Variants in CELF2 observed in about 807,000 individuals in gnomAD.
The protein encoded by CELF2 is CUG triplet repeat RNA-binding protein 2.
In CELF2, 8 loss-of-function variants were observed where a neutral mutation model predicts 62.6. That is an observed-to-expected ratio of 0.13 (90% CI 0.07 to 0.23). The LOEUF is 0.23. Ranked by LOEUF, CELF2 falls within the 10% of genes least tolerant of loss-of-function variation. The probability of loss-of-function intolerance (pLI) is 1.00; values close to 1 mark genes in which losing one functional copy is unlikely to be tolerated. For synonymous variants in CELF2, 258 were observed against 250.0 expected (o/e 1.03, Z -0.30); for missense variants, 333 against 671.0 (o/e 0.50, Z 5.56).
chr10:10,944,372 C>G (rs2047406650), intron 2 of CELF2: 2 of 152,574 alleles, frequency 1.3e-5, no homozygotes, highest in South Asian at 4.2e-4. Context: ...TGAACTAGTC[C>G]ACAGTCATCA....
chr10:11,037,902 G>T (rs1391207228), intron 1 of CELF2, among the ~76,000 whole-genome samples: 2 of 152,128 alleles, frequency 1.3e-5, no homozygotes, highest in African/African-American at 4.8e-5. Flanking sequence ...TTGGGTTATA[G>T]GTTGAATTAA....
rs1361351394 is a variant in CELF2, at chr10:11,302,065, C to T, written c.977-12074C>T. On this transcript the variant is annotated intron_variant, in intron 9 of 12. Transcript: ENST00000633077. This position sits in a 1 kb window ranked among gnomAD's most constrained non-coding sequence, Gnocchi z 5.0. ...TTCTAGGGAAACGGACAAGCAAATC[C>T]CTGCTCTTCAACCGGCTGTCTTCTG... Among the ~76,000 whole-genome samples, 1 of 152,232 alleles carries T rather than the reference C, an allele frequency of 6.6e-6. No individual in the cohort carries two copies. The highest frequency in any genetic ancestry group is 2.4e-5 in the African/African-American group (1 of 41,458).
chr10:10,766,693 T>A, the CELF2 span, among the ~76,000 whole-genome samples: 1 of 152,184 alleles, frequency 6.6e-6, no homozygotes, highest in Non-Finnish European at 1.5e-5. Flanking sequence ...GGCCACTCTG[T>A]TCATGAGCCT....
Position 10,934,837 on chromosome 10 carries a change from G to A in CELF2, c.89+14838G>A, listed in dbSNP as rs2066460801. 6.6e-6 allele frequency: 1 copy of A among 152,198 alleles called. No homozygotes were observed. The allele number at this position is 152,198 out of a possible 1,614,324, so 9.4% of individuals were successfully genotyped here. A position where few individuals can be genotyped will look rare whatever the true frequency, so the allele number is the denominator to read the frequency against. ...GAAGTCATTTGGCACACCCAAATGG[G>A]TTTTGCAGTTGTCTTATCCTGGTGA... On this transcript the variant is annotated intron_variant, in intron 2 of 13. Coordinates refer to the CELF2 transcript ENST00000636488. This position sits in a 1 kb window ranked among gnomAD's most constrained non-coding sequence, Gnocchi z 4.4.
At chr10:10,520,669 A>G in the CELF2 span, among the ~76,000 whole-genome samples, 1 of 152,160 alleles carries the variant, frequency 6.6e-6, no homozygotes, top group Non-Finnish European at 1.5e-5. Context: ...ATGAGATGCA[A>G]CCAGCGAGAG....
At chr10:11,213,395 A>G (rs1366179943) in intron 2 of CELF2, among the ~76,000 whole-genome samples, 4 of 152,192 alleles carry the variant, frequency 2.6e-5, no homozygotes, top group Non-Finnish European at 5.9e-5. Context: ...GCGTGGGGAA[A>G]TCTAGGAGAC....
intron 1 of CELF2, among the ~76,000 whole-genome samples, chr10:11,139,967 T>C (rs1006451436): frequency 6.6e-6 from 1 of 152,162 alleles, no homozygotes; most frequent in African/African-American, 2.4e-5. Flanking sequence ...CCATCTTCAA[T>C]TTCTCACTTG....
At chr10:11,287,809 T>C (rs1164373091) in intron 8 of CELF2, among the ~76,000 whole-genome samples, 2 of 152,274 alleles carry the variant, frequency 1.3e-5, no homozygotes, top group African/African-American at 4.8e-5. Flanking sequence ...CATCATCTTA[T>C]TTAATCTGCA....
the CELF2 span, among the ~76,000 whole-genome samples, chr10:10,652,641 G>A: frequency 1.3e-5 from 2 of 151,632 alleles, no homozygotes; most frequent in Admixed American, 6.6e-5. Context: ...AAGCGAAGGA[G>A]AAATAAAATA....
intron 1 of CELF2, among the ~76,000 whole-genome samples, chr10:11,122,373 G>C (rs1278993594): frequency 6.6e-6 from 1 of 152,114 alleles, no homozygotes; most frequent in African/African-American, 2.4e-5. Context: ...AGTAACCAAG[G>C]ACATCTGCTT....
chr10:10,683,911 C>T, the CELF2 span, among the ~76,000 whole-genome samples: 1 of 152,136 alleles, frequency 6.6e-6, no homozygotes, highest in Non-Finnish European at 1.5e-5. Flanking sequence ...TCCCCAGGAC[C>T]TCTGGATTTT....
At chr10:10,875,205 A>G (rs1044619651) in intron 1 of CELF2, among the ~76,000 whole-genome samples, 19 of 152,208 alleles carry the variant, frequency 1.2e-4, no homozygotes, top group Admixed American at 9.2e-4. Flanking sequence ...TGAAAATTTC[A>G]ATTCCCAGCA....
the CELF2 span, among the ~76,000 whole-genome samples, chr10:10,679,678 A>G: frequency 6.6e-6 from 1 of 152,224 alleles, no homozygotes; most frequent in East Asian, 1.9e-4. Context: ...TCATATATCC[A>G]TCTAGTTTCC....
chr10:10,491,794 T>C, the CELF2 span, among the ~76,000 whole-genome samples: 13 of 151,434 alleles, frequency 8.6e-5, no homozygotes, highest in African/African-American at 3.1e-4. Flanking sequence ...TAGTTGTCTA[T>C]GTCTTTCTTG....
At chr10:10,948,076 A>G (rs2047897690) in intron 2 of CELF2, among the ~76,000 whole-genome samples, 1 of 152,228 alleles carries the variant, frequency 6.6e-6, no homozygotes, top group Non-Finnish European at 1.5e-5. Context: ...GTATTTTGCC[A>G]GAAACCTGGG....
intron 2 of CELF2, among the ~76,000 whole-genome samples, chr10:11,202,935 CTCTCTCTCTCTCTCTCTGTGTG>C (rs2059577786): frequency 1.1e-5 from 1 of 87,742 alleles, no homozygotes; most frequent in Non-Finnish European, 2.5e-5. Context: ...CTCTCTCTCT[CTCTCTCTCTCTCTCTCTGTGTG>C]TGTGTGTGTG....
At position 10,989,621 on chromosome 10, in the gene CELF2, A is replaced by G. The variant is rs528882095; in HGVS notation, c.89+69622A>G. Among the ~76,000 whole-genome samples the G allele has an allele frequency of 3.9e-5, 6 of 152,274 alleles. No individual in the cohort carries two copies. In the South Asian group the frequency reaches 1.2e-3, roughly 32 times the overall value. ...AAAGGTAAAAATCTACTCTCAGGGT[A>G]GGTGAGACTTTTTATGTTAAATAAA... is the stretch of plus-strand genomic sequence containing the variant. On this transcript the variant is annotated intron_variant, in intron 2 of 13. Transcript: ENST00000636488.
intron 2 of CELF2, among the ~76,000 whole-genome samples, chr10:11,198,342 T>G (rs185801986): frequency 1.3e-5 from 2 of 152,238 alleles, no homozygotes; most frequent in African/African-American, 4.8e-5. Flanking sequence ...TAGTTCTATT[T>G]TGTTATCTTC....
intron 2 of CELF2, among the ~76,000 whole-genome samples, chr10:11,213,286 A>G (rs968726578): frequency 2.6e-5 from 4 of 152,220 alleles, no homozygotes; most frequent in African/African-American, 7.2e-5. Flanking sequence ...CAGAGCCTGC[A>G]GGGGAGGAGG....
Sources: gnomAD v4.1 joint callset for allele counts (sites outside exome capture counted in the v4.1 genomes callset) on GRCh38, gnomAD v4.1.1 for gene constraint, Gnocchi (gnomAD v3.1) non-coding constraint, MANE v1.5 for transcripts, NCBI Gene and HGNC (gene_info 2026-07-23, HGNC 2026-07-21) for gene names.